The following XKR6 variants were observed in gnomAD, a reference collection of about 807,000 sequenced individuals.
XKR6 encodes XK related 6, also known as XK-related protein 6.
Under a neutral mutation model 56.7 loss-of-function variants are expected in XKR6, and 22 were observed. The observed-to-expected ratio is 0.39, with a 90% confidence interval of 0.28 to 0.55. The LOEUF (loss-of-function observed/expected upper bound fraction) is 0.55. Ranked by LOEUF, XKR6 falls within the 20% of genes least tolerant of loss-of-function variation. The pLI is 0.66. For missense variants in XKR6, 852 were observed against 889.0 expected, an observed-to-expected ratio of 0.96 and a Z score of 0.53; for synonymous variants, 524 against 387.8, an observed-to-expected ratio of 1.35 and a Z score of -4.13.
chr8:11,169,877 A>C lies in XKR6; in HGVS notation c.764+30699T>G, dbSNP rs373727203. Reference sequence around the variant, plus strand: ...CACAATAAAAATTTAAATGATTAAAATGGTATATTTTGTGTTCGTATATTT... The same window carrying C: ...CACAATAAAAATTTAAATGATTAAACTGGTATATTTTGTGTTCGTATATTT... On this transcript the variant is annotated intron_variant, in intron 1 of 2. Transcript: ENST00000416569. Among the ~76,000 whole-genome samples the C allele has an allele frequency of 4.5e-4, 69 of 152,334 alleles. 1 individual carries two copies. Among genetic ancestry groups the C allele is most frequent in the African/African-American group, 1.5e-3 (61 of 41,576 alleles).
intron 1 of XKR6, among the ~76,000 whole-genome samples, chr8:11,048,712 T>C (rs1406879517): frequency 6.6e-6 from 1 of 152,168 alleles, no homozygotes; most frequent in African/African-American, 2.4e-5. Flanking sequence ...TCCGCAGGCC[T>C]CTGGTCTGCA....
intron 1 of XKR6, among the ~76,000 whole-genome samples, chr8:11,192,144 C>A (rs1245534370): frequency 1.3e-5 from 2 of 151,838 alleles, no homozygotes; most frequent in East Asian, 3.9e-4. Flanking sequence ...ATAGCAAGAC[C>A]CCATCTCTAC....
At chr8:11,001,870 T>A (rs1449190331) in intron 1 of XKR6, among the ~76,000 whole-genome samples, 2 of 152,174 alleles carry the variant, frequency 1.3e-5, no homozygotes, top group Admixed American at 1.3e-4. Flanking sequence ...CACTGTGGCC[T>A]GGAGAGACCT....
At chr8:11,163,795 G>C (rs1010163366) in intron 1 of XKR6, among the ~76,000 whole-genome samples, 2 of 152,144 alleles carry the variant, frequency 1.3e-5, no homozygotes, top group African/African-American at 2.4e-5. Flanking sequence ...TTGAGGAACT[G>C]TGGCAAAGAG....
chr8:10,955,391 G>A (rs998173453), intron 1 of XKR6, among the ~76,000 whole-genome samples: 4 of 151,962 alleles, frequency 2.6e-5, no homozygotes, highest in Admixed American at 6.6e-5. Context: ...ATGTTATCCA[G>A]GCTAGCCTTG....
intron 1 of XKR6, among the ~76,000 whole-genome samples, chr8:11,121,252 C>A (rs1330843330): frequency 1.3e-5 from 2 of 152,230 alleles, no homozygotes; most frequent in Middle Eastern, 3.4e-3. Context: ...GAACAGGCAA[C>A]CTACAGAATG....
chr8:11,161,634 G>A (rs1239230090), intron 1 of XKR6, among the ~76,000 whole-genome samples: 1 of 152,174 alleles, frequency 6.6e-6, no homozygotes, highest in African/African-American at 2.4e-5. Context: ...CTCATATACT[G>A]TAAACACTTT....
chr8:11,024,520 C>G (rs1432015162), intron 1 of XKR6, among the ~76,000 whole-genome samples: 2 of 152,218 alleles, frequency 1.3e-5, no homozygotes, highest in African/African-American at 4.8e-5. Flanking sequence ...CCATTACTTT[C>G]TTATTAATAA....
intron 1 of XKR6, among the ~76,000 whole-genome samples, chr8:11,166,753 A>G (rs977505047): frequency 6.6e-6 from 1 of 151,916 alleles, no homozygotes; most frequent in East Asian, 1.9e-4. Flanking sequence ...TTGTGTTTTT[A>G]GCAGAGACGG....
intron 1 of XKR6, among the ~76,000 whole-genome samples, chr8:10,971,455 T>C (rs1802407786): frequency 6.6e-6 from 1 of 152,084 alleles, no homozygotes; most frequent in African/African-American, 2.4e-5. Context: ...TAATTTAATT[T>C]AATTTGAAAT....
In XKR6 at chr8:11,201,030, C is replaced by T. The variant is rs1164344680; in HGVS notation, c.310G>A (p.Gly104Ser). Residue 104 changes from glycine (G) to serine (S), a missense_variant, in exon 1 of 3, where the codon GGC becomes AGC. Gly to Ser is a moderately conservative substitution (Grantham distance 56). Transcript: ENST00000416569. Reference protein sequence around the residue: ...PLQPPAAPGAGRQPPTPSAAR... With the variant: ...PLQPPAAPGASRQPPTPSAAR... Reference sequence around the variant, plus strand: ...GCCGAGGGCGTCGGGGGTTGGCGGCCGGCGCCGGGGGCCGCGGGAGGCTGC... The same window carrying T: ...GCCGAGGGCGTCGGGGGTTGGCGGCTGGCGCCGGGGGCCGCGGGAGGCTGC... 1.7e-6 allele frequency: 2 copies of T among 1,205,720 alleles called. No individual in the cohort carries two copies. The highest frequency in any genetic ancestry group is 1.6e-5 in the African/African-American group (1 of 62,458). The allele number at this position is 1,205,720 out of a possible 1,614,324, so 74.7% of individuals were successfully genotyped here. A position where few individuals can be genotyped will look rare whatever the true frequency, so the allele number is the denominator to read the frequency against.
At chr8:11,006,961 C>T (rs1563342036) in intron 1 of XKR6, among the ~76,000 whole-genome samples, 1 of 152,186 alleles carries the variant, frequency 6.6e-6, no homozygotes, top group Non-Finnish European at 1.5e-5. Flanking sequence ...ATCCTGTTTC[C>T]CTTTACTAAT....
At chr8:11,104,905 T>C (rs534920785) in intron 1 of XKR6, 3 of 152,360 alleles carry the variant, frequency 2.0e-5, no homozygotes, top group African/African-American at 7.2e-5. Context: ...ATATAACTTT[T>C]GGAAGTCTGT....
chr8:11,075,623 A>G (rs1800253936), intron 1 of XKR6, among the ~76,000 whole-genome samples: 1 of 152,162 alleles, frequency 6.6e-6, no homozygotes, highest in Admixed American at 6.5e-5. Flanking sequence ...GGTAGCTCAC[A>G]TCTGTAATCC....
intron 1 of XKR6, among the ~76,000 whole-genome samples, chr8:11,147,391 C>G (rs998079462): frequency 6.6e-6 from 1 of 152,128 alleles, no homozygotes; most frequent in Non-Finnish European, 1.5e-5. Context: ...GGCGGCCAGG[C>G]GCGGTGGCTC....
chr8:11,014,354 A>G (rs1288235032), intron 1 of XKR6, among the ~76,000 whole-genome samples: 2 of 152,234 alleles, frequency 1.3e-5, no homozygotes, highest in Non-Finnish European at 2.9e-5. Context: ...GACCAACCAC[A>G]AAAGGAAAGT....
chr8:10,971,038 G>C (rs1372784333), intron 1 of XKR6, among the ~76,000 whole-genome samples: 1 of 151,380 alleles, frequency 6.6e-6, no homozygotes, highest in African/African-American at 2.4e-5. Context: ...TTCAACTTAG[G>C]AACCTGGCGT....
intron 1 of XKR6, among the ~76,000 whole-genome samples, chr8:10,999,194 C>G (rs1036050482): frequency 6.6e-6 from 1 of 152,210 alleles, no homozygotes; most frequent in Admixed American, 6.5e-5. Flanking sequence ...GTGAAGGGCT[C>G]AATCGTGGGA....
At chr8:11,091,695 C>A (rs372508899) in intron 1 of XKR6, among the ~76,000 whole-genome samples, 1 of 152,046 alleles carries the variant, frequency 6.6e-6, no homozygotes, top group East Asian at 1.9e-4. Context: ...TGGAGCAGGA[C>A]ATTTGGAAGC....
Sources: gnomAD v4.1 joint callset for allele counts (sites outside exome capture counted in the v4.1 genomes callset) on GRCh38, gnomAD v4.1.1 for gene constraint, MANE v1.5 for transcripts, NCBI Gene and HGNC (gene_info 2026-07-23, HGNC 2026-07-21) for gene names.